The following ITGA9 variants were observed in gnomAD, a reference collection of about 807,000 sequenced individuals.
ITGA9 encodes the protein integrin alpha-9.
A neutral mutation model predicts 127.8 loss-of-function variants in ITGA9; 56 were observed. The ratio of observed to expected loss-of-function variants is 0.44; its 90% CI spans 0.35 to 0.55. The LOEUF is 0.55. ITGA9 is among the 20% of genes least tolerant of loss of function. The pLI, the probability that ITGA9 is intolerant of heterozygous loss-of-function variation, is 0.00. For synonymous variants in ITGA9, 508 were observed against 514.5 expected (o/e 0.99, Z 0.17); for missense variants, 1,196 against 1,347.1 (o/e 0.89, Z 1.76).
intron 25 of ITGA9, among the ~76,000 whole-genome samples, chr3:37,780,695 AG>A (rs1368542020): frequency 6.6e-6 from 1 of 152,170 alleles, no homozygotes; most frequent in Non-Finnish European, 1.5e-5. Context: ...TATACCCATT[AG>A]TGTGATTGCT....
intron 18 of ITGA9, among the ~76,000 whole-genome samples, chr3:37,695,020 G>A (rs1437120765): frequency 6.6e-6 from 1 of 152,168 alleles, no homozygotes; most frequent in African/African-American, 2.4e-5. Context: ...ACTCAGGCAG[G>A]GTCCCTCAGA....
At chr3:37,818,251 C>CTTTTTTTTTTTTTTT (rs1165189273) in intron 27 of ITGA9, 1 of 57,022 alleles carries the variant, frequency 1.8e-5, no homozygotes, top group African/African-American at 6.0e-5. Flanking sequence ...ACCATGAAAC[C>CTTTTTTTTTTTTTTT]TTTTTTTTTT....
chr3:37,717,930 G>C (rs1410567079), intron 18 of ITGA9, among the ~76,000 whole-genome samples: 2 of 152,182 alleles, frequency 1.3e-5, no homozygotes, highest in Non-Finnish European at 2.9e-5. Flanking sequence ...CGACCTGTGG[G>C]GTGGGAATGG....
intron 18 of ITGA9, among the ~76,000 whole-genome samples, chr3:37,693,494 C>G (rs953731002): frequency 6.6e-6 from 1 of 152,058 alleles, no homozygotes; most frequent in African/African-American, 2.4e-5. Context: ...CTACCTTTAC[C>G]ACAGAAAGGG....
At chr3:37,706,356 C>G (rs1223684940) in intron 18 of ITGA9, among the ~76,000 whole-genome samples, 2 of 152,112 alleles carry the variant, frequency 1.3e-5, no homozygotes, top group Non-Finnish European at 2.9e-5. Flanking sequence ...ATTGTTTTTC[C>G]TGAGATGTAA....
At chr3:37,803,049 G>T (rs1159453508) in intron 26 of ITGA9, among the ~76,000 whole-genome samples, 1 of 152,198 alleles carries the variant, frequency 6.6e-6, no homozygotes, top group East Asian at 1.9e-4. Context: ...CTCTAGTGGG[G>T]TCCACAGTCT....
At chr3:37,473,980 G>A (rs1052520455) in intron 3 of ITGA9, among the ~76,000 whole-genome samples, 3 of 152,092 alleles carry the variant, frequency 2.0e-5, no homozygotes, top group Admixed American at 2.0e-4. Flanking sequence ...TACAGTATGT[G>A]CTCTTTTATA....
intron 23 of ITGA9, among the ~76,000 whole-genome samples, chr3:37,757,905 T>G (rs1447571135): frequency 6.6e-6 from 1 of 151,634 alleles, no homozygotes; most frequent in Non-Finnish European, 1.5e-5. Flanking sequence ...ATAAAGAAAC[T>G]CATTCCAGAA....
intron 17 of ITGA9, among the ~76,000 whole-genome samples, chr3:37,676,218 T>C (rs1490942693): frequency 1.3e-5 from 2 of 152,258 alleles, no homozygotes; most frequent in Non-Finnish European, 2.9e-5. Context: ...AAAGTAATTA[T>C]TTGAGCATGT....
At chr3:37,803,543 G>T (rs1697259027) in intron 26 of ITGA9, among the ~76,000 whole-genome samples, 1 of 152,158 alleles carries the variant, frequency 6.6e-6, no homozygotes, top group African/African-American at 2.4e-5. Context: ...CCAAAACTTT[G>T]GGAGGCCGAG....
chr3:37,624,071 C>CA (rs1473978772), intron 15 of ITGA9, among the ~76,000 whole-genome samples: 1 of 152,004 alleles, frequency 6.6e-6, no homozygotes, highest in Non-Finnish European at 1.5e-5. Flanking sequence ...AACTAATTAT[C>CA]TGGCTTAATG....
At chr3:37,689,660 A>G (rs1432048586) in intron 18 of ITGA9, among the ~76,000 whole-genome samples, 3 of 152,260 alleles carry the variant, frequency 2.0e-5, no homozygotes, top group Admixed American at 2.0e-4. Flanking sequence ...CAGGGTCACC[A>G]TTCACACTGG....
At chr3:37,497,429 C>T (rs759194013) in intron 5 of ITGA9, among the ~76,000 whole-genome samples, 7 of 151,854 alleles carry the variant, frequency 4.6e-5, no homozygotes, top group African/African-American at 1.7e-4. Flanking sequence ...GGAGAGTGCC[C>T]GGGATCTACA....
At chr3:37,708,164 G>C (rs1200851603) in intron 18 of ITGA9, among the ~76,000 whole-genome samples, 1 of 152,210 alleles carries the variant, frequency 6.6e-6, no homozygotes, top group Non-Finnish European at 1.5e-5. Context: ...TCTGTGGTTA[G>C]CTGCAGGTCA....
chr3:37,798,325 A>G (rs1290580049), intron 26 of ITGA9, among the ~76,000 whole-genome samples: 1 of 152,174 alleles, frequency 6.6e-6, no homozygotes, highest in East Asian at 1.9e-4. Flanking sequence ...ATTTTCCCAC[A>G]TTATTACTAT....
rs1697481387 is a variant in ITGA9 at position 37,819,184 on chromosome 3, C to A, written c.*195C>A. The A allele has an allele frequency of 4.9e-6, 3 of 615,628 alleles. No individual in the cohort carries two copies. Among genetic ancestry groups the A allele is most frequent in the African/African-American group, 3.7e-5 (2 of 54,036 alleles). The allele number at this position is 615,628 out of a possible 1,614,324, so 38.1% of individuals were successfully genotyped here. On this transcript the variant is annotated 3_prime_UTR_variant, in exon 28 of 28. Transcript: ENST00000264741. Reference sequence around the variant, plus strand: ...CAGGTCACACGACCGGGGCCAGCACCACTTCCTTTAAAGATGAACTCTGAA... The same window carrying A: ...CAGGTCACACGACCGGGGCCAGCACAACTTCCTTTAAAGATGAACTCTGAA...
At chr3:37,815,126 A>C (rs1231580470) in intron 27 of ITGA9, among the ~76,000 whole-genome samples, 1 of 152,240 alleles carries the variant, frequency 6.6e-6, no homozygotes, top group African/African-American at 2.4e-5. Context: ...AAGAGATGAC[A>C]GTGCCTTCAC....
At chr3:37,737,547 G>A (rs975976912) in intron 20 of ITGA9, among the ~76,000 whole-genome samples, 4 of 152,178 alleles carry the variant, frequency 2.6e-5, no homozygotes, top group South Asian at 2.1e-4. Context: ...GCATGTGCCC[G>A]CCCCTCTCCA....
chr3:37,633,088 G>T (rs1700242913), intron 16 of ITGA9, among the ~76,000 whole-genome samples: 1 of 152,132 alleles, frequency 6.6e-6, no homozygotes, highest in Non-Finnish European at 1.5e-5. Context: ...GATGATAACT[G>T]CAGCAAGTCT....
Sources: gnomAD v4.1 joint callset for allele counts (sites outside exome capture counted in the v4.1 genomes callset) on GRCh38, gnomAD v4.1.1 for gene constraint, MANE v1.5 for transcripts, NCBI Gene and HGNC (gene_info 2026-07-23, HGNC 2026-07-21) for gene names.